The following NCAM2 variants were observed in gnomAD, a reference collection of about 807,000 sequenced individuals.
The protein encoded by NCAM2 is N-CAM-2.
A neutral mutation model predicts 98.1 loss-of-function variants in NCAM2; 30 were observed. That is an observed-to-expected ratio of 0.31 (90% CI 0.23 to 0.41). The LOEUF (loss-of-function observed/expected upper bound fraction) is 0.41. NCAM2 is among the 10% of genes least tolerant of loss of function. The pLI is 1.00. For synonymous variants in NCAM2, 368 were observed against 342.4 expected, an observed-to-expected ratio of 1.07 and a Z score of -0.83; for missense variants, 867 against 1,005.8, an observed-to-expected ratio of 0.86 and a Z score of 1.87.
intron 17 of NCAM2, among the ~76,000 whole-genome samples, chr21:21,537,049 G>A (rs1282314722): frequency 6.6e-6 from 1 of 151,686 alleles, no homozygotes; most frequent in Non-Finnish European, 1.5e-5. Flanking sequence ...AAGTTCTAAG[G>A]AATATTGTTA....
intron 9 of NCAM2, chr21:21,385,547 A>G (rs1486194314): frequency 2.4e-6 from 2 of 821,794 alleles, no homozygotes; most frequent in African/African-American, 1.8e-5. Context: ...ATAGCACTAA[A>G]CTTAAGGTGT....
intron 1 of NCAM2, among the ~76,000 whole-genome samples, chr21:21,145,395 C>A (rs1178961233): frequency 6.6e-6 from 1 of 152,096 alleles, no homozygotes; most frequent in Admixed American, 6.5e-5. Flanking sequence ...TGAGTATAAA[C>A]CAAGAACAAC....
intron 1 of NCAM2, among the ~76,000 whole-genome samples, chr21:21,124,735 A>G (rs948655864): frequency 6.6e-6 from 1 of 152,082 alleles, no homozygotes; most frequent in East Asian, 1.9e-4. Flanking sequence ...CACACCTCCA[A>G]TTCTCACCCT....
At chr21:21,258,044 G>C (rs2071743873) in intron 1 of NCAM2, among the ~76,000 whole-genome samples, 1 of 152,182 alleles carries the variant, frequency 6.6e-6, no homozygotes, top group Admixed American at 6.5e-5. Flanking sequence ...TTGAACTTGT[G>C]AGTAAAGGGA....
intron 1 of NCAM2, among the ~76,000 whole-genome samples, chr21:21,014,243 A>C (rs8126700): frequency 6.6e-6 from 1 of 151,912 alleles, no homozygotes; most frequent in African/African-American, 2.4e-5. Flanking sequence ...GGCCAACATG[A>C]TGAAACCCCA....
chr21:21,294,884 T>G (rs948529205), intron 5 of NCAM2, among the ~76,000 whole-genome samples: 2 of 151,782 alleles, frequency 1.3e-5, no homozygotes, highest in Admixed American at 6.6e-5. Flanking sequence ...CAGTGAAAAT[T>G]TTGAGGCTGC....
intron 1 of NCAM2, among the ~76,000 whole-genome samples, chr21:21,205,433 CT>C (rs1466752367): frequency 6.6e-6 from 1 of 152,032 alleles, no homozygotes; most frequent in African/African-American, 2.4e-5. Flanking sequence ...TGTATATTAT[CT>C]TTGTTTAAGA....
At chr21:21,200,753 T>C (rs2069186830) in intron 1 of NCAM2, among the ~76,000 whole-genome samples, 1 of 47,100 alleles carries the variant, frequency 2.1e-5, no homozygotes, top group Non-Finnish European at 5.8e-5. Context: ...GGCCCTTCAT[T>C]TTTTTTTTTT....
At chr21:21,488,555 T>A (rs1185606733) in intron 15 of NCAM2, among the ~76,000 whole-genome samples, 3 of 152,038 alleles carry the variant, frequency 2.0e-5, no homozygotes, top group Non-Finnish European at 4.4e-5. Context: ...TTACAAATTA[T>A]TTTAATAATT....
intron 7 of NCAM2, among the ~76,000 whole-genome samples, chr21:21,335,962 TA>T (rs1453410126): frequency 2.6e-5 from 4 of 152,120 alleles, no homozygotes; most frequent in Non-Finnish European, 4.4e-5. Context: ...TGTAAGTCTC[TA>T]AATGACACAT....
intron 1 of NCAM2, among the ~76,000 whole-genome samples, chr21:21,003,919 A>G (rs974432093): frequency 3.3e-5 from 5 of 152,106 alleles, no homozygotes; most frequent in Non-Finnish European, 7.4e-5. Context: ...TATTTTTACA[A>G]TTTGCCAGCA....
chr21:21,167,140 T>A (rs1038579257), intron 1 of NCAM2, among the ~76,000 whole-genome samples: 15 of 152,054 alleles, frequency 9.9e-5, no homozygotes, highest in Admixed American at 2.0e-4. Context: ...GATCTGGGAA[T>A]TACTACTGGG....
chr21:21,365,238 C>CGTATGTGTGTGT (rs2075756341), intron 8 of NCAM2, among the ~76,000 whole-genome samples: 1 of 146,902 alleles, frequency 6.8e-6, no homozygotes, highest in Non-Finnish European at 1.5e-5. Context: ...TTGCTTAGTG[C>CGTATGTGTGTGT]GTGTGTGTGT....
intron 6 of NCAM2, among the ~76,000 whole-genome samples, chr21:21,327,958 G>A (rs1048948385): frequency 3.3e-5 from 5 of 152,152 alleles, no homozygotes; most frequent in South Asian, 2.1e-4. Flanking sequence ...CTTCATTTTC[G>A]TTCAAACGGT....
chr21:21,359,441 AT>A lies in NCAM2; in HGVS notation c.1045-14418del, dbSNP rs2075584795. On this transcript the variant is annotated intron_variant, in intron 8 of 17. Transcript: ENST00000400546. ...AGTCTAGTCATATGTTGAAAATGTC[AT>A]TTTAAAAATTGTTTTTGAAATAATT... Among the ~76,000 whole-genome samples, 5 of 152,108 alleles carry A rather than the reference AT, an allele frequency of 3.3e-5. No individual in the cohort carries two copies. The South Asian group carries it at 1.0e-3, about 31-fold the overall frequency.
At chr21:21,386,251 A>G (rs1323621085) in intron 9 of NCAM2, among the ~76,000 whole-genome samples, 1 of 152,204 alleles carries the variant, frequency 6.6e-6, no homozygotes, top group East Asian at 1.9e-4. Flanking sequence ...TGTGAACATA[A>G]TTTAAACATA....
At chr21:21,002,933 A>G (rs1390692394) in intron 1 of NCAM2, among the ~76,000 whole-genome samples, 1 of 152,124 alleles carries the variant, frequency 6.6e-6, no homozygotes, top group Non-Finnish European at 1.5e-5. Context: ...AAATTACATG[A>G]TATGAGAACA....
At chr21:21,281,037 C>T (rs1202594330) in intron 2 of NCAM2, among the ~76,000 whole-genome samples, 3 of 151,952 alleles carry the variant, frequency 2.0e-5, no homozygotes, top group South Asian at 2.1e-4. Flanking sequence ...GTGATCCGCC[C>T]GCCTTGGCCT....
At position 21,497,748 on chromosome 21, in the gene NCAM2, C is replaced by T. The variant is rs751748341; in HGVS notation, c.2078-11103C>T. On this transcript the variant is annotated intron_variant, in intron 15 of 17. Coordinates refer to ENST00000400546, the MANE Select transcript of NCAM2 (RefSeq NM_004540.5). ...AATAAGCATTCTGGGAAAAGAAATT[C>T]GGTAGTAAGTAATAAAATGTCTACA... 2.0e-5 allele frequency among the ~76,000 whole-genome samples: 3 copies of T among 151,974 alleles called. No homozygotes were observed. The East Asian group carries it at 5.8e-4, about 29-fold the overall frequency.
Sources: allele counts gnomAD v4.1 joint callset (sites outside exome capture counted in the v4.1 genomes callset), GRCh38; gene constraint gnomAD v4.1.1; transcripts MANE v1.5; gene names NCBI Gene and HGNC (gene_info 2026-07-23, HGNC 2026-07-21).